The following DCC variants were observed in gnomAD, a reference collection of about 807,000 sequenced individuals.
DCC encodes the protein netrin receptor DCC.
DCC carries 58 observed loss-of-function variants against 172.5 expected under a neutral mutation model. The ratio of observed to expected loss-of-function variants is 0.34; its 90% CI spans 0.27 to 0.42. DCC has a LOEUF of 0.42. Among genes scored for constraint, DCC ranks in the 10% least tolerant of loss-of-function variants. The probability of loss-of-function intolerance (pLI) is 1.00; values close to 1 mark genes in which losing one functional copy is unlikely to be tolerated. For synonymous variants in DCC, 709 were observed against 644.5 expected, an observed-to-expected ratio of 1.10 and a Z score of -1.52; for missense variants, 1,740 against 1,791.0, an observed-to-expected ratio of 0.97 and a Z score of 0.51.
chr18:52,789,532 CTT>C (rs1288481616), intron 2 of DCC, among the ~76,000 whole-genome samples: 2 of 152,180 alleles, frequency 1.3e-5, no homozygotes, highest in East Asian at 1.9e-4. Flanking sequence ...TTTTAAATCT[CTT>C]GTTACTCAAC....
At chr18:52,905,043 A>G (rs1338348225) in intron 2 of DCC, among the ~76,000 whole-genome samples, 1 of 152,112 alleles carries the variant, frequency 6.6e-6, no homozygotes, top group Non-Finnish European at 1.5e-5. Context: ...TGGCAAGGTG[A>G]AAACACCTAC....
Position 52,906,308 on chromosome 18 carries a change from C to T in DCC, c.677C>T (p.Ala226Val). ...GCCAGCTCAAGAACAGGAAATGAAG[C>T]AGAAGTCAGAATTTTATCAGGTATT... ...NPASSRTGNEAEVRILSDPGL... is the reference protein window; with the variant it reads ...NPASSRTGNEVEVRILSDPGL... The change falls in exon 3 of 29, where the codon GCA becomes GTA. Residue 226 changes from alanine to valine, a missense_variant. Transcript: ENST00000442544. The T allele has an allele frequency of 6.2e-7, 1 of 1,613,916 alleles. No individual in the cohort carries two copies. The highest frequency in any genetic ancestry group is 8.5e-7 in the Non-Finnish European group (1 of 1,180,034).
At chr18:52,946,487 G>A (rs1014045579) in intron 5 of DCC, among the ~76,000 whole-genome samples, 1 of 151,754 alleles carries the variant, frequency 6.6e-6, no homozygotes, top group African/African-American at 2.4e-5. Flanking sequence ...TTCTCAAGAT[G>A]ATGGGTCTTT....
At position 52,514,309 on chromosome 18, in the gene DCC, T is replaced by C. The variant is rs144177393; in HGVS notation, c.91+173431T>C. ...TATTGAAAGATTCAGGATTGCTGCT[T>C]AGACATGGTTTTTTTTATTGATATT... On this transcript the variant is annotated intron_variant, in intron 1 of 28. Transcript: ENST00000442544. Among the ~76,000 whole-genome samples the C allele has an allele frequency of 2.9e-3, 440 of 152,292 alleles. 1 individual carries two copies. The highest frequency in any genetic ancestry group is 5.3e-3 in the Non-Finnish European group (363 of 68,018).
At chr18:53,232,531 A>G (rs1355058635) in intron 12 of DCC, among the ~76,000 whole-genome samples, 1 of 152,152 alleles carries the variant, frequency 6.6e-6, no homozygotes, top group African/African-American at 2.4e-5. Flanking sequence ...TCTGACTCAC[A>G]TGCAAGACCT....
chr18:53,115,974 G>C (rs957333975), intron 7 of DCC, among the ~76,000 whole-genome samples: 1 of 151,492 alleles, frequency 6.6e-6, no homozygotes, highest in African/African-American at 2.4e-5. Flanking sequence ...CGGGGTTGAG[G>C]GGGGTGCTGT....
intron 24 of DCC, among the ~76,000 whole-genome samples, chr18:53,462,939 C>A (rs1251706026): frequency 6.6e-6 from 1 of 152,216 alleles, no homozygotes; most frequent in Non-Finnish European, 1.5e-5. Context: ...TACCACTGGC[C>A]CTCTCTCAAC....
chr18:53,009,503 A>C (rs1487870454), intron 5 of DCC, among the ~76,000 whole-genome samples: 1 of 151,704 alleles, frequency 6.6e-6, no homozygotes, highest in African/African-American at 2.4e-5. Flanking sequence ...AAAAACAAAA[A>C]AGAGAGAAAG....
intron 12 of DCC, among the ~76,000 whole-genome samples, chr18:53,228,023 TTA>T (rs1414940909): frequency 1.3e-5 from 2 of 152,218 alleles, no homozygotes; most frequent in African/African-American, 4.8e-5. Context: ...TTTTTATCTT[TTA>T]TGCATAGATA....
Position 53,376,063 on chromosome 18 carries a change from TTCTAA to T in DCC, c.2360-9979_2360-9975del, listed in dbSNP as rs374975903. ...GATGATCATTCCTACTCTATCTATT[TTCTAA>T]CGTTGTTGAGATAATTGATACAAAT... On this transcript the variant is annotated intron_variant, in intron 15 of 28. Transcript: ENST00000442544. Among the ~76,000 whole-genome samples the T allele has an allele frequency of 1.9e-3, 291 of 152,266 alleles. 1 individual carries two copies. Among genetic ancestry groups the T allele is most frequent in the African/African-American group, 6.9e-3 (285 of 41,550 alleles).
chr18:53,179,592 G>T (rs535903060), intron 9 of DCC, among the ~76,000 whole-genome samples: 96 of 152,206 alleles, frequency 6.3e-4, no homozygotes, highest in Non-Finnish European at 1.1e-3. Context: ...GAGATTTGAG[G>T]AATATGAGAG....
At position 53,532,290 on chromosome 18, in the gene DCC, G is replaced by T. The variant is rs2046532277; in HGVS notation, c.*1637G>T. The T allele has an allele frequency of 6.6e-6, 1 of 152,182 alleles. No homozygotes were observed. The highest frequency in any genetic ancestry group is 1.5e-5 in the Non-Finnish European group (1 of 68,032). The allele number at this position is 152,182 out of a possible 1,614,324, so 9.4% of individuals were successfully genotyped here. A position where few individuals can be genotyped will look rare whatever the true frequency, so the allele number is the denominator to read the frequency against. On this transcript the variant is annotated 3_prime_UTR_variant, in exon 29 of 29. Coordinates refer to ENST00000442544, the MANE Select transcript of DCC (RefSeq NM_005215.4). ...TGAATAAAATATTTTGAGCAAAATG[G>T]CACTGTAACAGAAGTAATAATTCAG...
intron 1 of DCC, among the ~76,000 whole-genome samples, chr18:52,360,537 A>G (rs1194659302): frequency 6.6e-6 from 1 of 152,228 alleles, no homozygotes. Flanking sequence ...TAATGCAACC[A>G]TGTAGCGTGG....
At chr18:52,711,339 T>A (rs969678903) in intron 1 of DCC, among the ~76,000 whole-genome samples, 4 of 152,182 alleles carry the variant, frequency 2.6e-5, no homozygotes, top group African/African-American at 9.6e-5. Flanking sequence ...GTGATTCTCC[T>A]GCCTCAGCCT....
chr18:53,078,163 C>G (rs532216374), intron 7 of DCC, among the ~76,000 whole-genome samples: 2 of 152,226 alleles, frequency 1.3e-5, no homozygotes, highest in Admixed American at 6.5e-5. Context: ...TTGTGATATG[C>G]ACTTGCAGTC....
intron 2 of DCC, among the ~76,000 whole-genome samples, chr18:52,833,149 TTCCACATGCACCTAG>T (rs2038646924): frequency 6.6e-6 from 1 of 152,146 alleles, no homozygotes; most frequent in Non-Finnish European, 1.5e-5. Context: ...GGCACATATC[TTCCACATGCACCTAG>T]TCCACGTTAA....
intron 1 of DCC, among the ~76,000 whole-genome samples, chr18:52,393,130 G>A (rs1986092328): frequency 6.6e-6 from 1 of 151,972 alleles, no homozygotes; most frequent in South Asian, 2.1e-4. Flanking sequence ...CTGACCACAG[G>A]TACACTCCCA....
chr18:52,963,826 TAG>T (rs1477810550), intron 5 of DCC, among the ~76,000 whole-genome samples: 4 of 125,340 alleles, frequency 3.2e-5, no homozygotes, highest in African/African-American at 9.0e-5. Flanking sequence ...TGATTATCTC[TAG>T]TTTTTTTTTT....
chr18:53,368,277 A>C (rs985364265), intron 15 of DCC, among the ~76,000 whole-genome samples: 1 of 152,236 alleles, frequency 6.6e-6, no homozygotes, highest in African/African-American at 2.4e-5. Flanking sequence ...CTGCTTTTGA[A>C]TTAGGCTGTT....
Sources: allele counts gnomAD v4.1 joint callset (sites outside exome capture counted in the v4.1 genomes callset), GRCh38; gene constraint gnomAD v4.1.1; transcripts MANE v1.5; gene names NCBI Gene and HGNC (gene_info 2026-07-23, HGNC 2026-07-21).